Variants in MCTP2 observed in about 807,000 individuals in gnomAD.
The protein encoded by MCTP2 is multiple C2 and transmembrane domain-containing protein 2.
In MCTP2, 132 loss-of-function variants were observed where a neutral mutation model predicts 111.6. The ratio of observed to expected loss-of-function variants is 1.18; its 90% CI spans 1.03 to 1.37. The LOEUF (loss-of-function observed/expected upper bound fraction) is 1.37, where lower values mean the gene tolerates loss of function less well. Among genes scored for constraint, MCTP2 ranks in the 40% most tolerant of loss-of-function variants. MCTP2 has a pLI of 0.00. For synonymous variants in MCTP2, 395 were observed against 387.7 expected (o/e 1.02, Z -0.22); for missense variants, 1,183 against 1,067.9 (o/e 1.11, Z -1.50).
rs149833731 is a variant in MCTP2, at chr15:94,437,644, C to T, written c.2086-2532C>T. On this transcript the variant is annotated intron_variant, in intron 17 of 22. Transcript: ENST00000357742. ...ATTTATAAATTAATTCTGAAATACACGTGGAAGAGTAAAGGGTGAAAAAAT... is the reference window on the plus strand; with the variant it reads ...ATTTATAAATTAATTCTGAAATACATGTGGAAGAGTAAAGGGTGAAAAAAT... 9.7e-4 allele frequency among the ~76,000 whole-genome samples: 148 copies of T among 151,990 alleles called. 2 individuals are homozygous for T. The East Asian group carries it at 0.025, about 26-fold the overall frequency.
At chr15:94,340,746 T>G in intron 6 of MCTP2, 67 bp from the exon 7 acceptor site, 2 of 931,122 alleles carry the variant, frequency 2.1e-6, no homozygotes, top group Non-Finnish European at 3.3e-6. Context: ...CATAAGCTCC[T>G]GATGCGTGTA....
intron 1 of MCTP2, among the ~76,000 whole-genome samples, chr15:94,250,984 G>A (rs1180142800): frequency 1.3e-5 from 2 of 152,216 alleles, no homozygotes; most frequent in Non-Finnish European, 2.9e-5. Flanking sequence ...GACATAAGTA[G>A]CATGACTATG....
chr15:94,341,132 T>C, intron 7 of MCTP2: 1 of 510,028 alleles, frequency 2.0e-6, no homozygotes, highest in Non-Finnish European at 3.5e-6. Context: ...TAAGGAATTA[T>C]TTCTTTTGTG....
chr15:94,245,558 A>ATACATATATGTATATATACGTATATG (rs2071887918), intron 1 of MCTP2, among the ~76,000 whole-genome samples: 1 of 143,690 alleles, frequency 7.0e-6, no homozygotes, highest in Non-Finnish European at 1.5e-5. Flanking sequence ...TTATATATGT[A>ATACATATATGTATATATACGTATATG]TACATATATG....
intron 1 of MCTP2, among the ~76,000 whole-genome samples, chr15:94,245,564 A>T (rs1042034829): frequency 1.4e-5 from 2 of 143,590 alleles, no homozygotes; most frequent in Admixed American, 7.1e-5. Context: ...ATGTATACAT[A>T]TATGTATATA....
rs1192555428 is a variant in MCTP2 at position 94,243,940 on chromosome 15, T to TATGTATAC, written c.-66+12277_-66+12278insTGTATACA. On this transcript the variant is annotated intron_variant, in intron 1 of 22. Coordinates refer to ENST00000357742, the MANE Select transcript of MCTP2 (RefSeq NM_001385001.1). ...ATATATTTACACATATGTGTACACATACATATATGTGTATATATTTACACA... is the reference window on the plus strand; with the variant it reads ...ATATATTTACACATATGTGTACACATATGTATACACATATATGTGTATATATTTACACA... 3.7e-4 allele frequency among the ~76,000 whole-genome samples: 54 copies of TATGTATAC among 146,916 alleles called. 2 individuals are homozygous for TATGTATAC. The highest frequency in any genetic ancestry group is 1.2e-3 in the African/African-American group (50 of 40,084).
At chr15:94,306,564 A>G (rs1301502807) in intron 2 of MCTP2, among the ~76,000 whole-genome samples, 17 of 152,204 alleles carry the variant, frequency 1.1e-4, no homozygotes, top group Non-Finnish European at 1.5e-5. Flanking sequence ...CACAAAAGGA[A>G]GACATTTATT....
intron 2 of MCTP2, among the ~76,000 whole-genome samples, chr15:94,300,060 G>A (rs914350010): frequency 1.3e-5 from 2 of 152,036 alleles, no homozygotes; most frequent in African/African-American, 2.4e-5. Context: ...GTCAGTATAA[G>A]GAAGGTAACC....
rs577494139 is a variant in MCTP2 at position 94,320,925 on chromosome 15, A to G, written c.637+5288A>G. 1.6e-4 allele frequency among the ~76,000 whole-genome samples: 24 copies of G among 152,152 alleles called. No homozygotes were observed. In the South Asian group the frequency reaches 4.0e-3, roughly 25 times the overall value. On this transcript the variant is annotated intron_variant, in intron 4 of 22. Transcript: ENST00000357742. ...ATTTGGTCTACTACTTGGCTTTGTGACCTCCTTGTACAACTTACATAACCT... is the reference window on the plus strand; with the variant it reads ...ATTTGGTCTACTACTTGGCTTTGTGGCCTCCTTGTACAACTTACATAACCT...
intron 14 of MCTP2, among the ~76,000 whole-genome samples, chr15:94,394,469 T>A (rs1381273574): frequency 6.6e-6 from 1 of 152,164 alleles, no homozygotes; most frequent in African/African-American, 2.4e-5. Context: ...TTTAAAAATG[T>A]TACATTAACA....
chr15:94,462,516 G>A (rs1359309368), intron 20 of MCTP2, among the ~76,000 whole-genome samples: 3 of 152,224 alleles, frequency 2.0e-5, no homozygotes, highest in African/African-American at 7.2e-5. Context: ...GATGTTCTAT[G>A]ATAAATGGGG....
intron 19 of MCTP2, 124 bp from the exon 20 acceptor site, chr15:94,458,010 CAAT>C (rs2084943198): frequency 1.7e-6 from 1 of 595,806 alleles, no homozygotes; most frequent in Admixed American, 2.9e-5. Flanking sequence ...AGTTGTAAAA[CAAT>C]GATTTATCTC....
chr15:94,305,916 G>T (rs559338488), intron 2 of MCTP2, among the ~76,000 whole-genome samples: 2 of 152,056 alleles, frequency 1.3e-5, no homozygotes, highest in South Asian at 4.1e-4. Flanking sequence ...TTCTCCTCTA[G>T]TCAGCACTCT....
intron 17 of MCTP2, chr15:94,402,308 C>A (rs761709984): frequency 6.5e-5 from 64 of 984,936 alleles, no homozygotes; most frequent in Non-Finnish European, 7.1e-5. Flanking sequence ...TCTTTCTGTG[C>A]CAGTGACCGC....
chr15:94,251,445 A>G (rs556382642), intron 1 of MCTP2, among the ~76,000 whole-genome samples: 1 of 150,224 alleles, frequency 6.7e-6, no homozygotes, highest in Non-Finnish European at 1.5e-5. Flanking sequence ...TGCAACCTCC[A>G]CCTCCCGGGT....
chr15:94,245,238 A>T (rs185950353), intron 1 of MCTP2, among the ~76,000 whole-genome samples: 97 of 142,904 alleles, frequency 6.8e-4, no homozygotes, highest in East Asian at 2.1e-3. Context: ...ATATGTATGT[A>T]TATATACACA....
At chr15:94,427,116 G>T (rs917243885) in intron 17 of MCTP2, among the ~76,000 whole-genome samples, 7 of 152,084 alleles carry the variant, frequency 4.6e-5, no homozygotes, top group African/African-American at 1.7e-4. Context: ...TGTCCAGCTT[G>T]ACTGTCTGCT....
chr15:94,304,917 A>G (rs1361693388), intron 2 of MCTP2, among the ~76,000 whole-genome samples: 4 of 152,142 alleles, frequency 2.6e-5, no homozygotes, highest in Non-Finnish European at 5.9e-5. Flanking sequence ...TCTGATTGAC[A>G]CATTATTTCA....
rs551328017 is a variant in MCTP2, at chr15:94,309,329, A to G, written c.466-4953A>G. On this transcript the variant is annotated intron_variant, in intron 2 of 22. Coordinates refer to ENST00000357742, the MANE Select transcript of MCTP2 (RefSeq NM_001385001.1). The stretch of plus-strand genomic sequence containing the variant: ...ATTCTAGATAGACAAGATACGGGTT[A>G]TAGATTAAATATGCAGTATGTATAC... Among the ~76,000 whole-genome samples the G allele has an allele frequency of 1.2e-4, 18 of 152,364 alleles. No homozygotes were observed. In the South Asian group the frequency reaches 2.9e-3, roughly 25 times the overall value.
Sources: allele counts gnomAD v4.1 joint callset (sites outside exome capture counted in the v4.1 genomes callset), GRCh38; gene constraint gnomAD v4.1.1; transcripts MANE v1.5; gene names NCBI Gene and HGNC (gene_info 2026-07-23, HGNC 2026-07-21).